Variants in USO1 observed in about 807,000 individuals in gnomAD.
USO1 encodes the protein general vesicular transport factor p115.
A neutral mutation model predicts 124.5 loss-of-function variants in USO1; 57 were observed. That is an observed-to-expected ratio of 0.46 (90% CI 0.37 to 0.57). The LOEUF is 0.57. Ranked by LOEUF, USO1 falls within the 20% of genes least tolerant of loss-of-function variation. The pLI, the probability that USO1 is intolerant of heterozygous loss-of-function variation, is 0.00. For synonymous variants in USO1, 369 were observed against 362.8 expected (o/e 1.02, Z -0.19); for missense variants, 900 against 1,040.6 (o/e 0.86, Z 1.86).
Position 75,770,893 on chromosome 4 carries a change from G to C in USO1, c.468G>C (p.Gln156His). 1 of 1,613,624 alleles carries C rather than the reference G, an allele frequency of 6.2e-7. No individual in the cohort carries two copies. Among genetic ancestry groups the C allele is most frequent in the Non-Finnish European group, 8.5e-7 (1 of 1,179,784 alleles). The change falls in exon 6 of 24, where the codon CAG becomes CAC. Residue 156 changes from glutamine to histidine, a missense_variant. By Grantham distance (24) the Gln-to-His change is conservative (BLOSUM62 0). Transcript: ENST00000514213. Reference sequence around the variant, plus strand: ...CTCTTTTAAAACAACTAGGGCCTCAGGTGCAACAAATTATTTTAGTCAGTC... The same window carrying C: ...CTCTTTTAAAACAACTAGGGCCTCACGTGCAACAAATTATTTTAGTCAGTC... ...LTSLLKQLGPQVQQIILVSPM... is the reference protein window; with the variant it reads ...LTSLLKQLGPHVQQIILVSPM...
intron 1 of USO1, among the ~76,000 whole-genome samples, chr4:75,747,865 T>C (rs1440190636): frequency 6.8e-6 from 1 of 146,662 alleles, no homozygotes; most frequent in South Asian, 2.2e-4. Context: ...TCCGCCCACC[T>C]CGGCCTCCCA....
At chr4:75,725,021 C>T in intron 1 of USO1, 136 bp downstream of exon 1, 3 of 860,776 alleles carry the variant, frequency 3.5e-6, no homozygotes, top group Non-Finnish European at 3.6e-6. Flanking sequence ...CCTTTGCCCT[C>T]CTTCCGCTCC....
Position 75,808,967 on chromosome 4 carries a change from A to T in USO1, c.2391A>T (p.Leu797Phe). 6.2e-7 allele frequency: 1 copy of T among 1,600,270 alleles called. No homozygotes were observed. Among genetic ancestry groups the T allele is most frequent in the South Asian group, 1.1e-5 (1 of 87,528 alleles). Residue 797 changes from leucine (L) to phenylalanine (F), a missense_variant, in exon 21 of 24, where the codon TTA becomes TTT. This residue lies in a region of USO1 where 362 missense variants were observed against 359.0 expected (regional missense o/e 1.01). Coordinates refer to ENST00000514213, the MANE Select transcript of USO1 (RefSeq NM_003715.4). ...VAELKQELAT[L>F]KSQLNSQSVE... The stretch of plus-strand genomic sequence containing the variant: ...TTGTCTCTTAGGAACTGGCAACTTT[A>T]AAGTCTCAGTTAAACTCACAATCTG...
intron 1 of USO1, among the ~76,000 whole-genome samples, chr4:75,749,095 T>A (rs1319665619): frequency 6.6e-6 from 1 of 152,128 alleles, no homozygotes; most frequent in Non-Finnish European, 1.5e-5. Context: ...AATGTAAAGC[T>A]AGGCTTGGTT....
intron 1 of USO1, among the ~76,000 whole-genome samples, chr4:75,745,515 G>A (rs777523393): frequency 1.3e-5 from 2 of 152,184 alleles, no homozygotes; most frequent in Admixed American, 6.6e-5. Flanking sequence ...TCTATAGCTC[G>A]GTTAGGATCT....
At position 75,793,429 on chromosome 4, in the gene USO1, G is replaced by A. The variant is rs3941647; in HGVS notation, c.1241-261G>A. ...CAAAGTGCGAGAATTACAGGCGTGA[G>A]CCACCATGCCCAGCCTCCACCTGTA... is the stretch of plus-strand genomic sequence containing the variant. On this transcript the variant is annotated intron_variant, in intron 12 of 23. Transcript: ENST00000514213. Among the ~76,000 whole-genome samples the A allele has an allele frequency of 5.9e-3, 898 of 151,982 alleles. 14 individuals are homozygous for A. The highest frequency in any genetic ancestry group is 0.02 in the African/African-American group (849 of 41,448).
intron 13 of USO1, among the ~76,000 whole-genome samples, chr4:75,798,312 G>A (rs1370126013): frequency 6.6e-6 from 1 of 152,072 alleles, no homozygotes. Flanking sequence ...TTTGGTACCT[G>A]CAAATGGTTA....
chr4:75,803,795 C>T lies in USO1; in HGVS notation c.1987-339C>T, dbSNP rs193070955. Reference sequence around the variant, plus strand: ...AAAATAATATAGAAGCATATGTATACATACATATACTAAATTTCTTAAATA... The same window carrying T: ...AAAATAATATAGAAGCATATGTATATATACATATACTAAATTTCTTAAATA... On this transcript the variant is annotated intron_variant, in intron 17 of 23. Coordinates refer to ENST00000514213, the MANE Select transcript of USO1 (RefSeq NM_003715.4). Among the ~76,000 whole-genome samples, 372 of 151,796 alleles carry T rather than the reference C, an allele frequency of 2.5e-3. 4 individuals are homozygous for T. Among genetic ancestry groups the T allele is most frequent in the African/African-American group, 8.2e-3 (339 of 41,450 alleles).
intron 10 of USO1, among the ~76,000 whole-genome samples, chr4:75,788,797 T>C (rs1158263684): frequency 6.6e-6 from 1 of 152,072 alleles, no homozygotes; most frequent in African/African-American, 2.4e-5. Flanking sequence ...CCTCGTGAAG[T>C]GCTAGGATTA....
At chr4:75,807,844 T>C (rs1271264515) in intron 20 of USO1, among the ~76,000 whole-genome samples, 1 of 152,126 alleles carries the variant, frequency 6.6e-6, no homozygotes, top group Non-Finnish European at 1.5e-5. Context: ...TTTAGTTTTT[T>C]TACTTTCTCC....
At chr4:75,790,326 A>G (rs1722493214) in intron 11 of USO1, 88 bp downstream of exon 11, 1 of 1,458,186 alleles carries the variant, frequency 6.9e-7, no homozygotes. Flanking sequence ...TACTCTTTTT[A>G]AAGAAGTTTA....
intron 1 of USO1, among the ~76,000 whole-genome samples, chr4:75,727,692 T>C (rs1467256216): frequency 6.6e-6 from 1 of 152,222 alleles, no homozygotes; most frequent in Non-Finnish European, 1.5e-5. Context: ...TATATTATCA[T>C]TTATTATTTT....
chr4:75,774,073 T>C (rs1722006997), intron 7 of USO1, among the ~76,000 whole-genome samples: 1 of 152,216 alleles, frequency 6.6e-6, no homozygotes, highest in African/African-American at 2.4e-5. Flanking sequence ...TGTATCCAGC[T>C]TACCAGGAGC....
At chr4:75,800,552 C>A (rs2271472) in intron 15 of USO1, 66 bp from the exon 16 acceptor site, 4 of 1,516,488 alleles carry the variant, frequency 2.6e-6, no homozygotes, top group Admixed American at 2.3e-5. Context: ...ATTATGTAGA[C>A]CAAGCTTTTA....
chr4:75,770,920 T>A lies in USO1; in HGVS notation c.495T>A (p.Pro165=). ...TGCAACAAATTATTTTAGTCAGTCC[T>A]ATGGGTAAGTGACTTATCTTTTTTA... is the stretch of plus-strand genomic sequence containing the variant. The part of the protein sequence containing the change: ...PQVQQIILVS[P]MGVSRLMDLL... Residue 165 remains proline, a synonymous_variant, in exon 6 of 24, where the codon CCT becomes CCA. Transcript: ENST00000514213. 6.2e-7 allele frequency: 1 copy of A among 1,608,058 alleles called. No individual in the cohort carries two copies. The highest frequency in any genetic ancestry group is 8.5e-7 in the Non-Finnish European group (1 of 1,178,544).
In USO1 at chr4:75,787,106, C is replaced by T. The variant is rs1382318472; in HGVS notation, c.900C>T (p.Thr300=). 3 of 1,606,872 alleles carry T rather than the reference C, an allele frequency of 1.9e-6. No homozygotes were observed. Among genetic ancestry groups the T allele is most frequent in the African/African-American group, 2.7e-5 (2 of 74,274 alleles). The stretch of plus-strand genomic sequence containing the variant: ...CTCCCACCAACCCTCCTGGTGCTAC[C>T]AGTAGCTGCCAGAAGGCTATGTTCC... ...LVSPTNPPGA[T]SSCQKAMFQC... Residue 300 remains threonine, a synonymous_variant, in exon 10 of 24, where the codon ACC becomes ACT. Transcript: ENST00000514213.
chr4:75,740,624 A>T (rs1263860269), intron 1 of USO1, among the ~76,000 whole-genome samples: 1 of 152,218 alleles, frequency 6.6e-6, no homozygotes, highest in Admixed American at 6.5e-5. Context: ...TTCAGTTTTC[A>T]TGGTAACTTT....
At chr4:75,789,047 A>G (rs1722453116) in intron 10 of USO1, among the ~76,000 whole-genome samples, 1 of 151,670 alleles carries the variant, frequency 6.6e-6, no homozygotes. Context: ...AGCCATTATA[A>G]TCCTCCTTTT....
At chr4:75,798,884 A>C (rs1015703250) in intron 13 of USO1, among the ~76,000 whole-genome samples, 2 of 152,188 alleles carry the variant, frequency 1.3e-5, no homozygotes, top group African/African-American at 4.8e-5. Context: ...GGCACTGTCA[A>C]TATTGTGAAC....
Sources: gnomAD v4.1 joint callset for allele counts (sites outside exome capture counted in the v4.1 genomes callset) on GRCh38, gnomAD v4.1.1 for gene constraint, gnomAD v4.1.1 regional missense constraint, MANE v1.5 for transcripts, NCBI Gene and HGNC (gene_info 2026-07-23, HGNC 2026-07-21) for gene names.